CCDC73: variants seen among roughly 807,000 people sequenced by gnomAD.
CCDC73 encodes the protein coiled-coil domain containing 73.
A neutral mutation model predicts 116.5 loss-of-function variants in CCDC73; 95 were observed. The ratio of observed to expected loss-of-function variants is 0.82; its 90% CI spans 0.69 to 0.97. CCDC73 has a LOEUF of 0.97. CCDC73 is among the 50% of genes least tolerant of loss of function. CCDC73 has a pLI of 0.00. For synonymous variants in CCDC73, 398 were observed against 401.3 expected (o/e 0.99, Z 0.10); for missense variants, 1,066 against 1,206.8 (o/e 0.88, Z 1.73).
intron 2 of CCDC73, among the ~76,000 whole-genome samples, chr11:32,733,386 C>G (rs1850097386): frequency 6.6e-6 from 1 of 152,126 alleles, no homozygotes; most frequent in Admixed American, 6.5e-5. Context: ...AAAGGGTATC[C>G]AGGAATTGAA....
chr11:32,654,096 A>G, intron 10 of CCDC73, 59 bp from the exon 11 acceptor site: 4 of 1,455,322 alleles, frequency 2.7e-6, no homozygotes, highest in East Asian at 2.4e-5. Context: ...TCTACATTCA[A>G]TTCAGTACTA....
intron 3 of CCDC73, among the ~76,000 whole-genome samples, chr11:32,711,516 A>G (rs1486604531): frequency 6.6e-6 from 1 of 152,180 alleles, no homozygotes; most frequent in African/African-American, 2.4e-5. Context: ...TGGAGACTTT[A>G]TGCCAAATAT....
At chr11:32,778,285 A>C (rs1018079866) in intron 1 of CCDC73, among the ~76,000 whole-genome samples, 3 of 152,222 alleles carry the variant, frequency 2.0e-5, no homozygotes, top group African/African-American at 7.2e-5. Flanking sequence ...AAATTACTAA[A>C]GTGTGACAAT....
intron 17 of CCDC73, chr11:32,604,140 T>C (rs1855314536): frequency 6.6e-6 from 1 of 152,202 alleles, no homozygotes; most frequent in Non-Finnish European, 1.5e-5. Context: ...GGCTTTCTTT[T>C]AAGATAGGGT....
At chr11:32,603,569 A>T (rs1308022601) in intron 17 of CCDC73, 1 of 152,166 alleles carries the variant, frequency 6.6e-6, no homozygotes, top group Non-Finnish European at 1.5e-5. Flanking sequence ...ATTCTATAGA[A>T]TTTTATGTAT....
chr11:32,715,398 G>A (rs1209168060), intron 3 of CCDC73, among the ~76,000 whole-genome samples: 1 of 152,064 alleles, frequency 6.6e-6, no homozygotes, highest in Non-Finnish European at 1.5e-5. Context: ...GGTGTGTTCA[G>A]AAGTGTAACT....
At chr11:32,644,416 T>C (rs7949244) in intron 12 of CCDC73, among the ~76,000 whole-genome samples, 24,105 of 151,882 alleles carry the variant, frequency 0.16, 2,042 homozygotes, top group South Asian at 0.27. Context: ...ACCAAACCTA[T>C]GTGAGACTCA....
At chr11:32,636,310 TTTC>T (rs1396794147) in intron 13 of CCDC73, among the ~76,000 whole-genome samples, 1 of 152,164 alleles carries the variant, frequency 6.6e-6, no homozygotes, top group Non-Finnish European at 1.5e-5. Context: ...AAAGTTTAAT[TTTC>T]TTGTTACAAA....
At chr11:32,608,469 G>A (rs957406359) in intron 17 of CCDC73, among the ~76,000 whole-genome samples, 2 of 152,156 alleles carry the variant, frequency 1.3e-5, no homozygotes, top group Admixed American at 1.3e-4. Flanking sequence ...GGGTTCTTAT[G>A]GCCTTGGGCA....
the CCDC73 span, among the ~76,000 whole-genome samples, chr11:32,829,442 G>A: frequency 6.6e-6 from 1 of 152,178 alleles, no homozygotes; most frequent in African/African-American, 2.4e-5. Context: ...CAGACCTGGC[G>A]GACCACCATT....
intron 3 of CCDC73, among the ~76,000 whole-genome samples, chr11:32,712,821 A>C (rs1227345669): frequency 6.6e-6 from 1 of 151,998 alleles, no homozygotes; most frequent in Non-Finnish European, 1.5e-5. Flanking sequence ...TAAATGCTTG[A>C]ATAGAAACAG....
chr11:32,667,994 G>A (rs1040804685), intron 9 of CCDC73, among the ~76,000 whole-genome samples: 2 of 152,020 alleles, frequency 1.3e-5, no homozygotes, highest in African/African-American at 4.8e-5. Flanking sequence ...TATAACTTTA[G>A]GCAACTTACT....
intron 17 of CCDC73, among the ~76,000 whole-genome samples, chr11:32,609,946 A>AT (rs34935006): frequency 0.25 from 33,976 of 138,522 alleles, 4,506 homozygotes; most frequent in African/African-American, 0.36. Context: ...AGCCCAGCTA[A>AT]TTTTTTTTTT....
intron 3 of CCDC73, among the ~76,000 whole-genome samples, chr11:32,715,695 A>T (rs1849938868): frequency 6.6e-6 from 1 of 152,188 alleles, no homozygotes; most frequent in Non-Finnish European, 1.5e-5. Flanking sequence ...TCAGAGTAAG[A>T]ACTGAGAATA....
intron 13 of CCDC73, 125 bp from the exon 14 acceptor site, chr11:32,635,955 T>A: frequency 1.6e-6 from 1 of 606,218 alleles, no homozygotes. Flanking sequence ...ACAAAGTCAT[T>A]ACTAATATTA....
At chr11:32,765,750 A>T (rs1850434976) in intron 1 of CCDC73, among the ~76,000 whole-genome samples, 1 of 152,256 alleles carries the variant, frequency 6.6e-6, no homozygotes, top group Non-Finnish European at 1.5e-5. Flanking sequence ...AGAAGGCTGA[A>T]TCTCTGAAAG....
chr11:32,622,487 C>A (rs549319683), intron 14 of CCDC73, among the ~76,000 whole-genome samples: 2 of 151,926 alleles, frequency 1.3e-5, no homozygotes, highest in East Asian at 1.9e-4. Flanking sequence ...GGAAGGGGAA[C>A]AACACACACT....
chr11:32,766,464 C>T (rs1850443101), intron 1 of CCDC73, among the ~76,000 whole-genome samples: 1 of 152,130 alleles, frequency 6.6e-6, no homozygotes, highest in South Asian at 2.1e-4. Context: ...CCAGGGCAAT[C>T]AGGCAGGAGA....
At chr11:32,757,197 AT>A (rs1850351606) in intron 2 of CCDC73, among the ~76,000 whole-genome samples, 1 of 152,160 alleles carries the variant, frequency 6.6e-6, no homozygotes, top group Non-Finnish European at 1.5e-5. Context: ...CACAAAAAAA[AT>A]ACTGAATGAT....
Sources: allele counts gnomAD v4.1 joint callset (sites outside exome capture counted in the v4.1 genomes callset), GRCh38; gene constraint gnomAD v4.1.1; transcripts MANE v1.5; gene names NCBI Gene and HGNC (gene_info 2026-07-23, HGNC 2026-07-21).